HECTD4: variants seen among roughly 807,000 people sequenced by gnomAD.
HECTD4 encodes the protein probable E3 ubiquitin-protein ligase HECTD4.
HECTD4 carries 114 observed loss-of-function variants against 471.5 expected under a neutral mutation model. The ratio of observed to expected loss-of-function variants is 0.24; its 90% confidence interval spans 0.21 to 0.28. HECTD4 has a LOEUF of 0.28. Among genes scored for constraint, HECTD4 ranks in the 10% least tolerant of loss-of-function variants. HECTD4 has a pLI of 1.00. For missense variants in HECTD4, 3,866 were observed against 5,651.5 expected (o/e 0.68, Z 10.13); for synonymous variants, 2,012 against 2,256.0 (o/e 0.89, Z 3.07).
At chr12:112,198,653 A>C (rs1333938892) in intron 55 of HECTD4, among the ~76,000 whole-genome samples, 2 of 152,136 alleles carry the variant, frequency 1.3e-5, no homozygotes, top group African/African-American at 4.8e-5. Flanking sequence ...CCCCTTCCAG[A>C]TATGGGGAGG....
At chr12:112,326,634 TGCATTTCAA>T (rs1467087312) in intron 1 of HECTD4, among the ~76,000 whole-genome samples, 1 of 152,182 alleles carries the variant, frequency 6.6e-6, no homozygotes, top group Non-Finnish European at 1.5e-5. Flanking sequence ...AATGCCAACC[TGCATTTCAA>T]GTAAGTGTAG....
At chr12:112,291,201 A>T (rs2034878168) in intron 7 of HECTD4, among the ~76,000 whole-genome samples, 1 of 152,184 alleles carries the variant, frequency 6.6e-6, no homozygotes, top group Non-Finnish European at 1.5e-5. Context: ...TAAAATATAC[A>T]CAAAAAGAAC....
At position 112,279,241 on chromosome 12, in the gene HECTD4, C is replaced by G; in HGVS notation, c.1674G>C (p.Leu558Phe). 1 of 1,607,616 alleles carries G rather than the reference C, an allele frequency of 6.2e-7. No individual in the cohort carries two copies. The highest frequency in any genetic ancestry group is 8.5e-7 in the Non-Finnish European group (1 of 1,178,626). Residue 558 changes from leucine to phenylalanine, a missense_variant, in exon 9 of 76, where the codon TTG (leucine) becomes TTC (phenylalanine). By Grantham distance (22) the Leu-to-Phe change is conservative. Around this residue, in one of 16 missense-constraint regions of HECTD4, gnomAD observed 525 missense variants for 672.6 expected, o/e 0.78. Transcript: ENST00000682272. The stretch of plus-strand genomic sequence containing the variant: ...AAATTCACTTACTTTTTAAAGATGA[C>G]AAACCACTTGTTCCACCAAAAAGAG... Reference protein sequence around the residue: ...TRSLFGGTSGLSSLKILASSL... With the variant: ...TRSLFGGTSGFSSLKILASSL...
chr12:112,208,766 TCA>T (rs2032669186), intron 50 of HECTD4, 136 bp from the exon 51 acceptor site: 2 of 635,948 alleles, frequency 3.1e-6, no homozygotes, highest in Non-Finnish European at 4.8e-6. Flanking sequence ...GAATGTTAAA[TCA>T]CAGAGTCTAG....
chr12:112,232,225 G>C (rs1192479781), intron 38 of HECTD4, among the ~76,000 whole-genome samples: 2 of 152,284 alleles, frequency 1.3e-5, no homozygotes, highest in Middle Eastern at 3.4e-3. Context: ...CCACCTCCCA[G>C]GTTCAAGCGA....
chr12:112,280,735 A>G (rs1293504576), intron 8 of HECTD4, among the ~76,000 whole-genome samples: 1 of 151,862 alleles, frequency 6.6e-6, no homozygotes, highest in Non-Finnish European at 1.5e-5. Flanking sequence ...TTCAATAGAC[A>G]TATGCTTATT....
In HECTD4 at chr12:112,246,918, G is replaced by A. The variant is rs756038621; in HGVS notation, c.4496C>T (p.Thr1499Ile). The part of the protein sequence containing the change: ...QSGLTRSISG[T>I]PAETPACKSA... ...AGCAGTACCTGGTGTTTCAGCAGGG[G>A]TCCCAGAGATGCTTCTCGTGAGGCC... The change falls in exon 29 of 76, where the codon ACC (threonine) becomes ATC (isoleucine). Residue 1499 changes from threonine (T) to isoleucine (I), a missense_variant. Transcript: ENST00000682272. 2.5e-6 allele frequency: 4 copies of A among 1,612,096 alleles called. No homozygotes were observed. Among genetic ancestry groups the A allele is most frequent in the South Asian group, 1.1e-5 (1 of 90,934 alleles).
chr12:112,212,111 C>T (rs1241009946), intron 49 of HECTD4, among the ~76,000 whole-genome samples: 1 of 152,118 alleles, frequency 6.6e-6, no homozygotes, highest in African/African-American at 2.4e-5. Flanking sequence ...AAATCTTTAC[C>T]GAAGGTTCTC....
chr12:112,379,916 T>C (rs1001550069), intron 1 of HECTD4, among the ~76,000 whole-genome samples: 7 of 151,714 alleles, frequency 4.6e-5, no homozygotes, highest in African/African-American at 1.7e-4. Context: ...AGACCATAAA[T>C]TTAAAAAGCA....
intron 67 of HECTD4, 161 bp from the exon 68 acceptor site, chr12:112,171,424 T>C: frequency 1.7e-6 from 2 of 1,165,502 alleles, no homozygotes; most frequent in Non-Finnish European, 2.4e-6. Context: ...CCAATGTGCC[T>C]GTGCCTATGC....
rs1566088562 is a variant in HECTD4 at position 112,254,033 on chromosome 12, A to C, written c.3447+10T>G. 6.2e-7 allele frequency: 1 copy of C among 1,613,744 alleles called. No individual in the cohort carries two copies. Among genetic ancestry groups the C allele is most frequent in the African/African-American group, 1.3e-5 (1 of 75,030 alleles). On this transcript the variant is annotated intron_variant, in intron 22 of 75. Coordinates refer to ENST00000682272, the MANE Select transcript of HECTD4 (RefSeq NM_001388303.1). ...CTTTTCTAGGAAGCGATTATGACTG[A>C]ATACCATACCTTCACCAAGTCTTTC...
intron 13 of HECTD4, 90 bp downstream of exon 13, chr12:112,269,614 C>G (rs1428661565): frequency 1.2e-5 from 16 of 1,366,070 alleles, no homozygotes; most frequent in Non-Finnish European, 1.6e-5. Context: ...GGGTAAGAGG[C>G]ATTTATACTA....
intron 55 of HECTD4, among the ~76,000 whole-genome samples, chr12:112,200,149 TCCC>T (rs935738952): frequency 2.0e-5 from 3 of 147,404 alleles, no homozygotes; most frequent in South Asian, 2.1e-4. Flanking sequence ...TGATTCTAGA[TCCC>T]CCATTTTTTT....
chr12:112,265,954 G>T lies in HECTD4; in HGVS notation c.2422C>A (p.Arg808=), dbSNP rs774003158. ...GCCAGGTTGGTTAGGATCACATCCCGTAGCTGGGAGAGTCCACTGTTTCTC... is the reference window on the plus strand; with the variant it reads ...GCCAGGTTGGTTAGGATCACATCCCTTAGCTGGGAGAGTCCACTGTTTCTC... The part of the protein sequence containing the change: ...GERNSGLSQL[R]DVILTNLAEQ... Residue 808 remains arginine, a synonymous_variant, in exon 15 of 76, where the codon CGG becomes AGG. Coordinates refer to ENST00000682272, the MANE Select transcript of HECTD4 (RefSeq NM_001388303.1). The T allele has an allele frequency of 6.2e-7, 1 of 1,613,692 alleles. No individual in the cohort carries two copies. The highest frequency in any genetic ancestry group is 1.7e-5 in the Admixed American group (1 of 59,998).
chr12:112,302,699 T>G, intron 7 of HECTD4: 1 of 453,488 alleles, frequency 2.2e-6, no homozygotes, highest in Non-Finnish European at 3.9e-6. Flanking sequence ...GTTAGCTGTT[T>G]TTTAACTTTT....
chr12:112,350,112 G>A (rs1331341230), intron 1 of HECTD4, among the ~76,000 whole-genome samples: 2 of 151,944 alleles, frequency 1.3e-5, no homozygotes, highest in African/African-American at 2.4e-5. Flanking sequence ...GCACCACCAT[G>A]CCTGGCTAAT....
chr12:112,265,154 A>T (rs9805001), intron 16 of HECTD4, 21 bp downstream of exon 16: 1 of 1,581,222 alleles, frequency 6.3e-7, no homozygotes, highest in Admixed American at 1.9e-5. Flanking sequence ...TTTTGCTTTC[A>T]TTAAACACAT....
Position 112,190,803 on chromosome 12 carries a change from T to A in HECTD4, c.9455A>T (p.Gln3152Leu). The A allele has an allele frequency of 6.3e-7, 1 of 1,584,454 alleles. No homozygotes were observed. Among genetic ancestry groups the A allele is most frequent in the Non-Finnish European group, 8.6e-7 (1 of 1,164,886 alleles). Residue 3152 changes from glutamine (Q) to leucine (L), a missense_variant, in exon 60 of 76, where the codon CAG becomes CTG. This residue lies in a region of HECTD4 where 364 missense variants were observed against 413.2 expected (regional missense o/e 0.88). Transcript: ENST00000682272. ...AGCCTCACCTAGCAGCTCCACCACC[T>A]GCAGGAGGACGGATGTCGGAATGGT... ...PDTIPTSVLL[Q>L]VVELLGNFLW...
chr12:112,302,287 G>A (rs915576144), intron 7 of HECTD4: 5 of 823,994 alleles, frequency 6.1e-6, no homozygotes, highest in Admixed American at 1.9e-5. Flanking sequence ...TCTTAGTGGG[G>A]ACGCCCCCTT....
Sources: gnomAD v4.1 joint callset for allele counts (sites outside exome capture counted in the v4.1 genomes callset) on GRCh38, gnomAD v4.1.1 for gene constraint, gnomAD v4.1.1 regional missense constraint, MANE v1.5 for transcripts, NCBI Gene and HGNC (gene_info 2026-07-23, HGNC 2026-07-21) for gene names.